MACROD2: variants seen among roughly 807,000 people sequenced by gnomAD.
MACROD2 encodes ADP-ribose glycohydrolase MACROD2.
Under a neutral mutation model 70.4 loss-of-function variants are expected in MACROD2, and 36 were observed. The ratio of observed to expected loss-of-function variants is 0.51; its 90% CI spans 0.39 to 0.68. The LOEUF is 0.68. MACROD2 is among the 30% of genes least tolerant of loss of function. MACROD2 has a pLI of 0.00. For missense variants in MACROD2, 496 were observed against 538.4 expected (o/e 0.92, Z 0.78); for synonymous variants, 172 against 178.8 (o/e 0.96, Z 0.30).
At chr20:15,197,832 G>T (rs1259649243) in intron 5 of MACROD2, among the ~76,000 whole-genome samples, 8 of 152,016 alleles carry the variant, frequency 5.3e-5, no homozygotes, top group Non-Finnish European at 1.0e-4. Context: ...GAGTAGCTGG[G>T]ACTAGAGGTG....
chr20:15,278,947 G>C (rs1265231459), intron 6 of MACROD2, among the ~76,000 whole-genome samples: 2 of 152,124 alleles, frequency 1.3e-5, no homozygotes, highest in Non-Finnish European at 2.9e-5. Context: ...TGGATGCCTC[G>C]CGTGCCCTGC....
chr20:15,771,471 T>C (rs1448704266), intron 8 of MACROD2, among the ~76,000 whole-genome samples: 3 of 151,750 alleles, frequency 2.0e-5, no homozygotes, highest in Non-Finnish European at 4.4e-5. Context: ...ATGTGAACCA[T>C]CACGCCCTGC....
intron 5 of MACROD2, among the ~76,000 whole-genome samples, chr20:14,719,466 A>G (rs1296926393): frequency 2.5e-5 from 2 of 78,990 alleles, no homozygotes; most frequent in Non-Finnish European, 5.2e-5. Context: ...AATAGGCAAG[A>G]TAGAAAGAAA....
intron 3 of MACROD2, among the ~76,000 whole-genome samples, chr20:14,348,574 T>A (rs1405776624): frequency 6.6e-6 from 1 of 152,112 alleles, no homozygotes; most frequent in African/African-American, 2.4e-5. Context: ...AAAGAATTTC[T>A]TATCAGTTTA....
intron 5 of MACROD2, among the ~76,000 whole-genome samples, chr20:15,024,401 G>T (rs904010459): frequency 6.6e-6 from 1 of 150,560 alleles, no homozygotes; most frequent in Non-Finnish European, 1.5e-5. Flanking sequence ...GGAAGGGGAA[G>T]AAGAATGAAA....
intron 5 of MACROD2, among the ~76,000 whole-genome samples, chr20:14,853,173 C>CTGTATGTGTGTGTGTGTGTGTGTG (rs35279137): frequency 2.0e-5 from 3 of 149,240 alleles, no homozygotes; most frequent in African/African-American, 7.4e-5. Context: ...GTGTGTGTGT[C>CTGTATGTGTGTGTGTGTGTGTGTG]TGTGTGTGTG....
chr20:13,999,436 G>A (rs2052704283), intron 1 of MACROD2, among the ~76,000 whole-genome samples: 1 of 152,096 alleles, frequency 6.6e-6, no homozygotes, highest in Non-Finnish European at 1.5e-5. Context: ...TAATATTTAA[G>A]CCCCATTTGT....
chr20:15,634,824 T>C (rs2049340738), intron 8 of MACROD2, among the ~76,000 whole-genome samples: 2 of 152,264 alleles, frequency 1.3e-5, no homozygotes, highest in South Asian at 4.1e-4. Context: ...GCTAGGGTTC[T>C]AGATGTAAAT....
intron 6 of MACROD2, among the ~76,000 whole-genome samples, chr20:15,392,013 TG>T (rs2045799041): frequency 6.6e-6 from 1 of 152,198 alleles, no homozygotes; most frequent in African/African-American, 2.4e-5. Context: ...GTTGTTTGTT[TG>T]TTTGCTTGTT....
At chr20:15,740,542 C>T in intron 8 of MACROD2, among the ~76,000 whole-genome samples, 1 of 152,050 alleles carries the variant, frequency 6.6e-6, no homozygotes, top group Non-Finnish European at 1.5e-5. Context: ...AGAGATAGGG[C>T]AACATTAAAA....
intron 2 of MACROD2, among the ~76,000 whole-genome samples, chr20:14,045,789 A>C (rs1452637561): frequency 6.6e-6 from 1 of 152,246 alleles, no homozygotes; most frequent in Non-Finnish European, 1.5e-5. Flanking sequence ...AATTAAAAAC[A>C]TGAGCAGGGA....
Position 14,467,671 on chromosome 20 carries a change from A to T in MACROD2, c.272-25808A>T, listed in dbSNP as rs190913172. Among the ~76,000 whole-genome samples, 254 of 151,872 alleles carry T rather than the reference A, an allele frequency of 1.7e-3. 3 individuals are homozygous for T. Among genetic ancestry groups the T allele is most frequent in the African/African-American group, 6.1e-3 (251 of 41,390 alleles). ...GTTTCTATTCGGCTATCTTGGCTCCACCCCTTCTCTAGTTCTTTTAATAGT... is the reference window on the plus strand; with the variant it reads ...GTTTCTATTCGGCTATCTTGGCTCCTCCCCTTCTCTAGTTCTTTTAATAGT... On this transcript the variant is annotated intron_variant, in intron 3 of 17. Transcript: ENST00000684519.
intron 5 of MACROD2, among the ~76,000 whole-genome samples, chr20:14,841,480 C>T (rs2073086243): frequency 6.6e-6 from 1 of 151,596 alleles, no homozygotes; most frequent in African/African-American, 2.4e-5. Flanking sequence ...CCTTAGCTTA[C>T]AGTGTTGGAG....
At chr20:15,032,711 A>G (rs1318767972) in intron 5 of MACROD2, among the ~76,000 whole-genome samples, 1 of 152,212 alleles carries the variant, frequency 6.6e-6, no homozygotes, top group Non-Finnish European at 1.5e-5. Context: ...ATGATCTACC[A>G]ATTTCACTTT....
At chr20:14,158,112 C>T (rs1185840617) in intron 3 of MACROD2, among the ~76,000 whole-genome samples, 5 of 152,020 alleles carry the variant, frequency 3.3e-5, no homozygotes, top group African/African-American at 1.2e-4. Flanking sequence ...TAGTAATAGC[C>T]ATTCTAATTG....
intron 3 of MACROD2, among the ~76,000 whole-genome samples, chr20:14,094,071 GGCT>G (rs1306297019): frequency 6.6e-6 from 1 of 151,908 alleles, no homozygotes; most frequent in Non-Finnish European, 1.5e-5. Context: ...AGATCCCTTT[GGCT>G]GCAGTGTGAA....
At chr20:14,411,824 G>A (rs1315797458) in intron 3 of MACROD2, among the ~76,000 whole-genome samples, 2 of 152,084 alleles carry the variant, frequency 1.3e-5, no homozygotes, top group Non-Finnish European at 2.9e-5. Flanking sequence ...AGACTGCGAT[G>A]AAAATAGCAT....
chr20:14,649,808 C>T (rs1326493519), intron 4 of MACROD2, among the ~76,000 whole-genome samples: 1 of 152,134 alleles, frequency 6.6e-6, no homozygotes, highest in African/African-American at 2.4e-5. Flanking sequence ...CAGGGCCCTC[C>T]CTTTGTTAGA....
intron 6 of MACROD2, among the ~76,000 whole-genome samples, chr20:15,380,311 A>G (rs1379620098): frequency 6.6e-6 from 1 of 152,204 alleles, no homozygotes; most frequent in Non-Finnish European, 1.5e-5. Flanking sequence ...ACAAGAGGAA[A>G]GAAGCTTTCA....
Sources: gnomAD v4.1 joint callset for allele counts (sites outside exome capture counted in the v4.1 genomes callset) on GRCh38, gnomAD v4.1.1 for gene constraint, MANE v1.5 for transcripts, NCBI Gene and HGNC (gene_info 2026-07-23, HGNC 2026-07-21) for gene names.